The following IGSF10 variants were observed in gnomAD, a reference collection of about 807,000 sequenced individuals.
IGSF10 encodes the protein calvaria mechanical force protein 608.
Under a neutral mutation model 128.2 loss-of-function variants are expected in IGSF10, and 126 were observed. The ratio of observed to expected loss-of-function variants is 0.98; its 90% CI spans 0.85 to 1.14. IGSF10 has a LOEUF of 1.14. Among genes scored for constraint, IGSF10 ranks in the 50% most tolerant of loss-of-function variants. IGSF10 has a pLI of 0.00. For synonymous variants in IGSF10, 1,185 were observed against 1,146.2 expected (o/e 1.03, Z -0.68); for missense variants, 3,295 against 3,149.8 (o/e 1.05, Z -1.10).
At chr3:151,610,576 C>A in the IGSF10 span, among the ~76,000 whole-genome samples, 1 of 152,072 alleles carries the variant, frequency 6.6e-6, no homozygotes, top group Non-Finnish European at 1.5e-5. Flanking sequence ...AAGGTGTGTG[C>A]AAATAAGTTT....
rs1340188956 is a variant in IGSF10, at chr3:151,446,589, G to C, written c.3392C>G (p.Thr1131Ser). The change falls in exon 6 of 8, where the codon ACT becomes AGT. Residue 1131 changes from threonine to serine, a missense_variant. Transcript: ENST00000282466. Reference sequence around the variant, plus strand: ...AGTTGGAGTCACTTGGGAAATTTCAGTCCTGAAATATTTTATTGTGGGTGT... The same window carrying C: ...AGTTGGAGTCACTTGGGAAATTTCACTCCTGAAATATTTTATTGTGGGTGT... The part of the protein sequence containing the change: ...KTTPTIKYFR[T>S]EISQVTPTGA... 6.2e-7 allele frequency: 1 copy of C among 1,614,086 alleles called. No individual in the cohort carries two copies. Among genetic ancestry groups the C allele is most frequent in the Non-Finnish European group, 8.5e-7 (1 of 1,180,020 alleles).
At chr3:151,441,905 C>CA (rs1278659062) in intron 7 of IGSF10, among the ~76,000 whole-genome samples, 2 of 152,030 alleles carry the variant, frequency 1.3e-5, no homozygotes, top group African/African-American at 2.4e-5. Context: ...ACTAAAAATA[C>CA]AAAAAATTAG....
In IGSF10 at chr3:151,453,471, C is replaced by T. The variant is rs1362052687; in HGVS notation, c.628G>A (p.Asp210Asn). The T allele has an allele frequency of 1.2e-6, 2 of 1,613,936 alleles. No individual in the cohort carries two copies. The highest frequency in any genetic ancestry group is 3.3e-5 in the Admixed American group (2 of 60,010). The part of the protein sequence containing the change: ...LPQEMVSYMP[D>N]LDSLYLHGNP... ...CCATGCAGGTAAAGGCTGTCTAGGTCAGGCATATAGGAGACCATCTCTTGA... is the reference window on the plus strand; with the variant it reads ...CCATGCAGGTAAAGGCTGTCTAGGTTAGGCATATAGGAGACCATCTCTTGA... Residue 210 changes from aspartate to asparagine, a missense_variant, in exon 5 of 8, where the codon GAC becomes AAC. Transcript: ENST00000282466.
chr3:151,549,704 T>C, the IGSF10 span, among the ~76,000 whole-genome samples: 1 of 152,188 alleles, frequency 6.6e-6, no homozygotes, highest in Non-Finnish European at 1.5e-5. Context: ...CTCTTTGCTA[T>C]GATTTTAATG....
Position 151,458,764 on chromosome 3 carries a change from G to A in IGSF10, c.-1-54C>T, listed in dbSNP as rs1006628721. On this transcript the variant is annotated intron_variant, in intron 2 of 7. Coordinates refer to ENST00000282466, the MANE Select transcript of IGSF10 (RefSeq NM_178822.5). ...AAAGAGTGGTGGAGCAAAGTCCCAG[G>A]ACCACCACACACTCACTCTGGGAAT... is the stretch of plus-strand genomic sequence containing the variant. 2.8e-6 allele frequency: 4 copies of A among 1,445,994 alleles called. No individual in the cohort carries two copies. In the Admixed American group the frequency reaches 7.3e-5, roughly 27 times the overall value. The allele number at this position is 1,445,994 out of a possible 1,614,324, so 89.6% of individuals were successfully genotyped here. A position where few individuals can be genotyped will look rare whatever the true frequency, so the allele number is the denominator to read the frequency against.
chr3:151,595,333 A>G, the IGSF10 span, among the ~76,000 whole-genome samples: 3 of 152,134 alleles, frequency 2.0e-5, no homozygotes, highest in Non-Finnish European at 4.4e-5. Flanking sequence ...TGCTCACTGC[A>G]ATATTATTCA....
At position 151,446,084 on chromosome 3, in the gene IGSF10, A is replaced by G. The variant is rs1721170378; in HGVS notation, c.3897T>C (p.Pro1299=). 13 of 1,614,122 alleles carry G rather than the reference A, an allele frequency of 8.1e-6. No homozygotes were observed. The highest frequency in any genetic ancestry group is 1.1e-5 in the Non-Finnish European group (13 of 1,179,980). The change falls in exon 6 of 8, where the codon CCT becomes CCC. Residue 1299 remains proline (P), a synonymous_variant. Transcript: ENST00000282466. ...LPFPPLNPML[P]SIISKDSSTK... ...TACTTGAGTCTTTGCTTATAATACT[A>G]GGAAGCATAGGGTTAAGGGGTGGGA... is the stretch of plus-strand genomic sequence containing the variant.
Position 151,436,762 on chromosome 3 carries a change from G to C in IGSF10, c.7799C>G (p.Ser2600Cys), listed in dbSNP as rs1303356456. The C allele has an allele frequency of 1.2e-6, 2 of 1,614,118 alleles. No individual in the cohort carries two copies. Reference protein sequence around the residue: ...LVIQNPQTSDSGIYKCTAKNP... With the variant: ...LVIQNPQTSDCGIYKCTAKNP... The stretch of plus-strand genomic sequence containing the variant: ...CTTTGCTGTGCATTTGTATATCCCA[G>C]AATCGGAGGTTTGGGGATTCTGAAT... The change falls in exon 8 of 8, where the codon TCT (serine) becomes TGT (cysteine). Residue 2600 changes from serine to cysteine, a missense_variant. Physicochemically the swap from Ser to Cys is moderately radical, Grantham distance 112. Transcript: ENST00000282466.
At chr3:151,504,425 C>A in the IGSF10 span, among the ~76,000 whole-genome samples, 7 of 152,144 alleles carry the variant, frequency 4.6e-5, no homozygotes, top group Non-Finnish European at 1.0e-4. Context: ...GAGATAATGT[C>A]TGAACATTCT....
At chr3:151,536,062 C>T in the IGSF10 span, among the ~76,000 whole-genome samples, 2 of 152,234 alleles carry the variant, frequency 1.3e-5, no homozygotes, top group East Asian at 3.9e-4. Context: ...TTGGCTAGGT[C>T]CTAGCTGCCA....
At chr3:151,504,313 C>CA in the IGSF10 span, among the ~76,000 whole-genome samples, 24 of 152,246 alleles carry the variant, frequency 1.6e-4, no homozygotes, top group African/African-American at 5.8e-4. Flanking sequence ...TAAATGCTTG[C>CA]AAAGGTGGTT....
chr3:151,546,240 TGAAAACC>T, the IGSF10 span, among the ~76,000 whole-genome samples: 1 of 152,126 alleles, frequency 6.6e-6, no homozygotes, highest in African/African-American at 2.4e-5. Context: ...GAGACTATTA[TGAAAACC>T]CTCTCCTACC....
At chr3:151,473,028 C>A in the IGSF10 span, among the ~76,000 whole-genome samples, 7 of 152,162 alleles carry the variant, frequency 4.6e-5, no homozygotes, top group African/African-American at 1.7e-4. Context: ...CCAGGGAAAT[C>A]TCTCTCCAGG....
chr3:151,553,458 T>A, the IGSF10 span, among the ~76,000 whole-genome samples: 1 of 152,050 alleles, frequency 6.6e-6, no homozygotes, highest in African/African-American at 2.4e-5. Context: ...AATACTTAGA[T>A]TCAGAAATGA....
chr3:151,457,753 C>T (rs1353533783), intron 3 of IGSF10, among the ~76,000 whole-genome samples: 1 of 152,190 alleles, frequency 6.6e-6, no homozygotes, highest in African/African-American at 2.4e-5. Flanking sequence ...AACCCAATGC[C>T]AGCACCTACT....
the IGSF10 span, among the ~76,000 whole-genome samples, chr3:151,543,667 C>A: frequency 6.6e-6 from 1 of 152,228 alleles, no homozygotes. Flanking sequence ...GCAATTACAC[C>A]TTTTACAGAC....
the IGSF10 span, among the ~76,000 whole-genome samples, chr3:151,503,354 G>T: frequency 2.8e-3 from 431 of 152,050 alleles, 1 homozygote; most frequent in South Asian, 0.012. Flanking sequence ...TTAACTGCAA[G>T]TATTACGTTT....
chr3:151,531,768 A>G, the IGSF10 span, among the ~76,000 whole-genome samples: 4 of 152,214 alleles, frequency 2.6e-5, no homozygotes, highest in Admixed American at 2.6e-4. Flanking sequence ...ATCACAATGA[A>G]AAGAACTAGA....
chr3:151,484,650 A>AG, the IGSF10 span, among the ~76,000 whole-genome samples: 1 of 151,632 alleles, frequency 6.6e-6, no homozygotes, highest in African/African-American at 2.4e-5. Flanking sequence ...AGTGATACCC[A>AG]GGCAAACAGG....
Sources: gnomAD v4.1 joint callset for allele counts (sites outside exome capture counted in the v4.1 genomes callset) on GRCh38, gnomAD v4.1.1 for gene constraint, MANE v1.5 for transcripts, NCBI Gene and HGNC (gene_info 2026-07-23, HGNC 2026-07-21) for gene names.